Variants in TRAPPC10 observed in about 807,000 individuals in gnomAD.
TRAPPC10 encodes the protein trafficking protein particle complex subunit 10, also known as TRAPP 130 kDa subunit.
Under a neutral mutation model 125.5 loss-of-function variants are expected in TRAPPC10, and 23 were observed. The ratio of observed to expected loss-of-function variants is 0.18; its 90% confidence interval spans 0.13 to 0.26. The LOEUF (loss-of-function observed/expected upper bound fraction) is 0.26, where lower values mean the gene tolerates loss of function less well. Ranked by LOEUF, TRAPPC10 falls within the 10% of genes least tolerant of loss-of-function variation. TRAPPC10 has a pLI of 1.00. For missense variants in TRAPPC10, 1,123 were observed against 1,308.4 expected, an observed-to-expected ratio of 0.86 and a Z score of 2.19; for synonymous variants, 509 against 518.0, an observed-to-expected ratio of 0.98 and a Z score of 0.24.
At chr21:44,024,024 G>C (rs2032824001) in intron 1 of TRAPPC10, among the ~76,000 whole-genome samples, 1 of 152,182 alleles carries the variant, frequency 6.6e-6, no homozygotes. Context: ...GACCTCAGGT[G>C]ATCCACCCAC....
chr21:44,086,155 C>T (rs576373624), intron 15 of TRAPPC10, among the ~76,000 whole-genome samples: 57 of 152,336 alleles, frequency 3.7e-4, no homozygotes, highest in Non-Finnish European at 5.4e-4. Context: ...CATGGCCCAG[C>T]GGCTGCAGTG....
intron 2 of TRAPPC10, among the ~76,000 whole-genome samples, 179 bp downstream of exon 2, chr21:44,032,351 C>G (rs1482828381): frequency 7.4e-6 from 1 of 134,576 alleles, no homozygotes; most frequent in Non-Finnish European, 1.6e-5. Flanking sequence ...CTTTGTGGGT[C>G]TTATTCTTTA....
chr21:44,068,248 C>T (rs1001677358), intron 7 of TRAPPC10, among the ~76,000 whole-genome samples: 4 of 152,034 alleles, frequency 2.6e-5, no homozygotes, highest in South Asian at 2.1e-4. Context: ...ATGAAGCTTA[C>T]GTGCTAAGGA....
At chr21:44,083,675 G>C (rs2037918506) in intron 14 of TRAPPC10, among the ~76,000 whole-genome samples, 1 of 152,098 alleles carries the variant, frequency 6.6e-6, no homozygotes, top group Non-Finnish European at 1.5e-5. Context: ...TTTTCCTTTT[G>C]TGGCTGGCTG....
intron 3 of TRAPPC10, among the ~76,000 whole-genome samples, chr21:44,047,232 G>T (rs370342726): frequency 1.3e-5 from 2 of 152,180 alleles, no homozygotes; most frequent in South Asian, 2.1e-4. Context: ...ACCCAGGCTG[G>T]AGTGCAGTGG....
At chr21:44,026,544 C>T (rs1241916044) in intron 1 of TRAPPC10, among the ~76,000 whole-genome samples, 1 of 152,140 alleles carries the variant, frequency 6.6e-6, no homozygotes, top group Non-Finnish European at 1.5e-5. Flanking sequence ...AAGACGGTGC[C>T]CTCTCTAATC....
At chr21:44,047,176 A>G (rs558262780) in intron 3 of TRAPPC10, 17 of 389,400 alleles carry the variant, frequency 4.4e-5, no homozygotes, top group African/African-American at 3.0e-4. Context: ...TTTAATTTGG[A>G]ACATTTTTAT....
chr21:44,058,560 C>T (rs956473712), intron 5 of TRAPPC10, among the ~76,000 whole-genome samples: 1 of 152,222 alleles, frequency 6.6e-6, no homozygotes, highest in Non-Finnish European at 1.5e-5. Context: ...CATGTGTAAG[C>T]CTGAGCTGTC....
intron 1 of TRAPPC10, among the ~76,000 whole-genome samples, chr21:44,021,762 A>T (rs1482224597): frequency 6.6e-6 from 1 of 152,076 alleles, no homozygotes; most frequent in African/African-American, 2.4e-5. Context: ...GCCCTTTATT[A>T]TTGGATTAGA....
chr21:44,045,931 T>C (rs1286773691), intron 3 of TRAPPC10, among the ~76,000 whole-genome samples: 1 of 152,090 alleles, frequency 6.6e-6, no homozygotes, highest in Non-Finnish European at 1.5e-5. Context: ...TAATATTTCT[T>C]GTACTTGGGG....
At chr21:44,057,479 G>A (rs2145873723) in intron 5 of TRAPPC10, among the ~76,000 whole-genome samples, 1 of 152,114 alleles carries the variant, frequency 6.6e-6, no homozygotes, top group Admixed American at 6.5e-5. Flanking sequence ...TGTATTTTTA[G>A]TAGAGATGGG....
At chr21:44,068,267 G>T (rs1177422291) in intron 7 of TRAPPC10, among the ~76,000 whole-genome samples, 1 of 152,190 alleles carries the variant, frequency 6.6e-6, no homozygotes, top group Non-Finnish European at 1.5e-5. Context: ...GAATGAGTAG[G>T]GGGAGTAAGA....
intron 7 of TRAPPC10, among the ~76,000 whole-genome samples, chr21:44,065,937 G>A (rs2036421419): frequency 6.6e-6 from 1 of 152,210 alleles, no homozygotes; most frequent in Non-Finnish European, 1.5e-5. Flanking sequence ...CCGGGCTCAA[G>A]TGATCTTCCC....
chr21:44,060,629 C>T (rs1012008404), intron 6 of TRAPPC10, among the ~76,000 whole-genome samples: 7 of 151,566 alleles, frequency 4.6e-5, no homozygotes, highest in Non-Finnish European at 8.8e-5. Context: ...GAGACAGTGT[C>T]TCACTCTGTC....
intron 2 of TRAPPC10, among the ~76,000 whole-genome samples, chr21:44,035,480 G>A (rs1420580454): frequency 1.3e-5 from 2 of 152,212 alleles, no homozygotes; most frequent in African/African-American, 4.8e-5. Context: ...AAGCTTTTCA[G>A]TACTCTTTGT....
rs753730718 is a variant in TRAPPC10 at position 44,087,011 on chromosome 21, C to T, written c.2539+51C>T. On this transcript the variant is annotated intron_variant, in intron 16 of 22. Transcript: ENST00000291574. This position sits in a 1 kb window ranked among gnomAD's most constrained non-coding sequence, Gnocchi z 4.6. ...AGGAGGATGCCCACCTTGCCCTGCA[C>T]TGTGTGGGTGTGAGGGTGAGCCTGG... 9 of 1,599,670 alleles carry T rather than the reference C, an allele frequency of 5.6e-6. No individual in the cohort carries two copies. The South Asian group carries it at 1.0e-4, about 18-fold the overall frequency.
chr21:44,024,515 A>G (rs2032868989), intron 1 of TRAPPC10, among the ~76,000 whole-genome samples: 1 of 152,194 alleles, frequency 6.6e-6, no homozygotes, highest in Non-Finnish European at 1.5e-5. Context: ...ACCATCAACA[A>G]CAGGACTAGT....
chr21:44,017,904 C>G (rs2032052732), intron 1 of TRAPPC10, among the ~76,000 whole-genome samples: 1 of 152,146 alleles, frequency 6.6e-6, no homozygotes, highest in Non-Finnish European at 1.5e-5. Flanking sequence ...CTGTTTCCCT[C>G]ATAAATTTAA....
At chr21:44,018,691 CAAA>C (rs542366792) in intron 1 of TRAPPC10, among the ~76,000 whole-genome samples, 6 of 71,848 alleles carry the variant, frequency 8.4e-5, no homozygotes, top group Non-Finnish European at 5.9e-5. Context: ...GACTCCGTCT[CAAA>C]AAAAAAAAAA....
Sources: gnomAD v4.1 joint callset for allele counts (sites outside exome capture counted in the v4.1 genomes callset) on GRCh38, gnomAD v4.1.1 for gene constraint, Gnocchi (gnomAD v3.1) non-coding constraint, MANE v1.5 for transcripts, NCBI Gene and HGNC (gene_info 2026-07-23, HGNC 2026-07-21) for gene names.